The following GRB2 variants were observed in gnomAD, a reference collection of about 807,000 sequenced individuals.
GRB2 encodes the protein growth factor receptor-bound protein 2.
GRB2 carries 2 observed loss-of-function variants against 27.4 expected under a neutral mutation model. The observed-to-expected ratio is 0.07, with a 90% CI of 0.03 to 0.23. The LOEUF (loss-of-function observed/expected upper bound fraction) is 0.23, where lower values mean the gene tolerates loss of function less well. GRB2 is among the 10% of genes least tolerant of loss of function. GRB2 has a pLI of 1.00. For missense variants in GRB2, 102 were observed against 282.4 expected (o/e 0.36, Z 4.58); for synonymous variants, 94 against 99.6 (o/e 0.94, Z 0.33).
At chr17:75,378,314 C>T (rs1010622731) in intron 2 of GRB2, among the ~76,000 whole-genome samples, 11 of 152,148 alleles carry the variant, frequency 7.2e-5, no homozygotes, top group African/African-American at 2.4e-4. Flanking sequence ...CACAGGAGGG[C>T]GGAGGTTGTA....
intron 2 of GRB2, among the ~76,000 whole-genome samples, chr17:75,337,028 A>G (rs547156993): frequency 6.6e-6 from 1 of 152,258 alleles, no homozygotes; most frequent in East Asian, 1.9e-4. Flanking sequence ...GTGAGCCATC[A>G]TGCTGGCCAA....
At chr17:75,340,474 T>G (rs1301892572) in intron 2 of GRB2, among the ~76,000 whole-genome samples, 2 of 152,192 alleles carry the variant, frequency 1.3e-5, no homozygotes, top group Non-Finnish European at 2.9e-5. Flanking sequence ...TCAAGAATTC[T>G]AGTGACATCT....
chr17:75,392,633 T>C (rs927054904), intron 2 of GRB2, among the ~76,000 whole-genome samples: 10 of 152,166 alleles, frequency 6.6e-5, no homozygotes, highest in South Asian at 4.1e-4. Flanking sequence ...AGTCTAAGGC[T>C]CAGAAGGAAA....
At chr17:75,393,911 C>G (rs531013465) in intron 1 of GRB2, 146 bp from the exon 2 acceptor site, 68 of 485,378 alleles carry the variant, frequency 1.4e-4, no homozygotes, top group East Asian at 5.9e-4. Flanking sequence ...CAGCCCCCCC[C>G]CGCCGACTTC....
chr17:75,382,180 G>A (rs896728225), intron 2 of GRB2, among the ~76,000 whole-genome samples: 2 of 151,210 alleles, frequency 1.3e-5, no homozygotes, highest in South Asian at 2.1e-4. Context: ...CCGAGATCGC[G>A]CCACTGTACT....
At chr17:75,349,464 T>C (rs555685808) in intron 2 of GRB2, among the ~76,000 whole-genome samples, 2 of 150,902 alleles carry the variant, frequency 1.3e-5, no homozygotes, top group East Asian at 3.9e-4. Context: ...CCAGAATAAC[T>C]AGATCAAGGG....
At chr17:75,336,985 A>G (rs761144727) in intron 2 of GRB2, among the ~76,000 whole-genome samples, 1 of 152,130 alleles carries the variant, frequency 6.6e-6, no homozygotes, top group Non-Finnish European at 1.5e-5. Flanking sequence ...CAATCCACCT[A>G]CCTTGGCCTC....
chr17:75,403,857 T>C (rs2079080222), intron 1 of GRB2, among the ~76,000 whole-genome samples: 2 of 152,216 alleles, frequency 1.3e-5, no homozygotes, highest in Admixed American at 1.3e-4. Context: ...CTCACGCCTG[T>C]AATCCCAACA....
At chr17:75,377,226 T>G (rs958084682) in intron 2 of GRB2, among the ~76,000 whole-genome samples, 2 of 151,158 alleles carry the variant, frequency 1.3e-5, no homozygotes, top group African/African-American at 4.9e-5. Flanking sequence ...GAGACTGAGG[T>G]GAGATGATCA....
At chr17:75,324,535 T>TTTTTTG (rs1491359485) in intron 4 of GRB2, among the ~76,000 whole-genome samples, 20 of 86,250 alleles carry the variant, frequency 2.3e-4, no homozygotes, top group African/African-American at 7.1e-4. Context: ...TTTTTTTTTT[T>TTTTTTG]GGAGACAGAG....
chr17:75,405,138 G>C (rs886615952), intron 1 of GRB2: 1 of 152,192 alleles, frequency 6.6e-6, no homozygotes, highest in Non-Finnish European at 1.5e-5. Context: ...CCAGTCCCCC[G>C]CCGCCAGGCT....
At chr17:75,353,535 G>A (rs1169427063) in intron 2 of GRB2, among the ~76,000 whole-genome samples, 1 of 152,116 alleles carries the variant, frequency 6.6e-6, no homozygotes, top group Non-Finnish European at 1.5e-5. Flanking sequence ...GGCCAAGGCA[G>A]GCAGATCATG....
chr17:75,388,229 T>A (rs183191698), intron 2 of GRB2, among the ~76,000 whole-genome samples: 5 of 152,040 alleles, frequency 3.3e-5, no homozygotes, highest in Admixed American at 1.3e-4. Flanking sequence ...CCCGAGTAGC[T>A]GGGATTACAG....
chr17:75,382,731 C>CG (rs1361942764), intron 2 of GRB2, among the ~76,000 whole-genome samples: 2 of 126,576 alleles, frequency 1.6e-5, no homozygotes, highest in African/African-American at 5.1e-5. Context: ...TTATTTTAGA[C>CG]GGAGTCTTGT....
At position 75,359,231 on chromosome 17, in the gene GRB2, A is replaced by T. The variant is rs1190338166; in HGVS notation, c.79-26434T>A. Among the ~76,000 whole-genome samples the T allele has an allele frequency of 1.2e-4, 18 of 149,796 alleles. 1 individual carries two copies. The highest frequency in any genetic ancestry group is 1.1e-3 in the Admixed American group (17 of 14,880). On this transcript the variant is annotated intron_variant, in intron 2 of 5. Transcript: ENST00000316804. ...AACTTTGGTTAAATTGTCTCCAAAT[A>T]GCTGATGGCTCATACATGTGATCTA... is the stretch of plus-strand genomic sequence containing the variant.
At chr17:75,358,477 T>G in intron 2 of GRB2, among the ~76,000 whole-genome samples, 1 of 151,790 alleles carries the variant, frequency 6.6e-6, no homozygotes, top group East Asian at 1.9e-4. Context: ...TACCTTTGAG[T>G]GTTTGCTGAG....
At chr17:75,364,074 G>A (rs1307270926) in intron 2 of GRB2, among the ~76,000 whole-genome samples, 1 of 151,852 alleles carries the variant, frequency 6.6e-6, no homozygotes, top group African/African-American at 2.4e-5. Flanking sequence ...TTCCCTCTAT[G>A]TCTCACAAGA....
chr17:75,397,328 C>CA (rs2007800890), intron 1 of GRB2, among the ~76,000 whole-genome samples: 1 of 152,130 alleles, frequency 6.6e-6, no homozygotes, highest in Non-Finnish European at 1.5e-5. Flanking sequence ...ATGATTTTAA[C>CA]AGAGTAGATG....
At chr17:75,389,439 T>C (rs1030162480) in intron 2 of GRB2, among the ~76,000 whole-genome samples, 2 of 152,172 alleles carry the variant, frequency 1.3e-5, no homozygotes, top group Admixed American at 6.5e-5. Flanking sequence ...CTACTAAGAA[T>C]CACTACTACA....
Sources: allele counts gnomAD v4.1 joint callset (sites outside exome capture counted in the v4.1 genomes callset), GRCh38; gene constraint gnomAD v4.1.1; transcripts MANE v1.5; gene names NCBI Gene and HGNC (gene_info 2026-07-23, HGNC 2026-07-21).